CFAP52: variants seen among roughly 807,000 people sequenced by gnomAD.
The protein encoded by CFAP52 is cilia- and flagella-associated protein 52.
A neutral mutation model predicts 70.5 loss-of-function variants in CFAP52; 57 were observed. The ratio of observed to expected loss-of-function variants is 0.81; its 90% confidence interval spans 0.65 to 1.01. CFAP52 has a LOEUF of 1.01. Ranked by LOEUF, CFAP52 falls within the 50% of genes least tolerant of loss-of-function variation. The probability of loss-of-function intolerance (pLI) is 0.00; values close to 1 mark genes in which losing one functional copy is unlikely to be tolerated. For synonymous variants in CFAP52, 267 were observed against 292.5 expected, an observed-to-expected ratio of 0.91 and a Z score of 0.89; for missense variants, 785 against 788.5, an observed-to-expected ratio of 1.00 and a Z score of 0.05.
chr17:9,613,482 G>GT (rs1222678941), intron 8 of CFAP52, among the ~76,000 whole-genome samples: 3 of 151,082 alleles, frequency 2.0e-5, no homozygotes, highest in Non-Finnish European at 4.4e-5. Context: ...GTTTTGTTTT[G>GT]TTTTTTGTTT....
intron 5 of CFAP52, 72 bp from the exon 6 acceptor site, chr17:9,599,995 C>T (rs1909192160): frequency 7.7e-7 from 1 of 1,301,794 alleles, no homozygotes; most frequent in Non-Finnish European, 1.1e-6. Context: ...CCCGCCTCGG[C>T]CTCCCAAAGT....
chr17:9,626,054 G>C (rs1910222680), intron 8 of CFAP52, among the ~76,000 whole-genome samples: 1 of 152,136 alleles, frequency 6.6e-6, no homozygotes, highest in Non-Finnish European at 1.5e-5. Context: ...TTTTAGGTGG[G>C]AGAGAGGGAG....
At chr17:9,640,691 T>C (rs1388864345) in intron 12 of CFAP52, among the ~76,000 whole-genome samples, 2 of 152,154 alleles carry the variant, frequency 1.3e-5, no homozygotes, top group Non-Finnish European at 2.9e-5. Context: ...TGGAGTGCAG[T>C]GGCATAATCT....
At chr17:9,615,985 G>T (rs937775394) in intron 8 of CFAP52, among the ~76,000 whole-genome samples, 1 of 151,250 alleles carries the variant, frequency 6.6e-6, no homozygotes, top group Non-Finnish European at 1.5e-5. Flanking sequence ...ATAGTTTTTC[G>T]GGGGGAGGAG....
intron 1 of CFAP52, 87 bp from the exon 2 acceptor site, chr17:9,585,686 C>A: frequency 7.5e-7 from 1 of 1,337,982 alleles, no homozygotes; most frequent in South Asian, 1.3e-5. Flanking sequence ...CACACACACA[C>A]ACAAAGTGTT....
intron 8 of CFAP52, among the ~76,000 whole-genome samples, chr17:9,623,401 G>C (rs1910119372): frequency 6.6e-6 from 1 of 151,694 alleles, no homozygotes; most frequent in Admixed American, 6.6e-5. Context: ...CTTTTATTTG[G>C]AATGTTTAAT....
chr17:9,628,863 G>T, intron 9 of CFAP52, 43 bp downstream of exon 9: 2 of 1,611,466 alleles, frequency 1.2e-6, no homozygotes, highest in Non-Finnish European at 1.7e-6. Context: ...CTCTAGCTGC[G>T]GTTTTGATTC....
At chr17:9,610,029 C>T (rs1003322269) in intron 7 of CFAP52, among the ~76,000 whole-genome samples, 2 of 151,168 alleles carry the variant, frequency 1.3e-5, no homozygotes, top group African/African-American at 2.4e-5. Context: ...CAGAGAGAGA[C>T]AGAGAGAGAG....
chr17:9,643,206 G>A lies in CFAP52; in HGVS notation c.*8G>A, dbSNP rs1911166702. On this transcript the variant is annotated 3_prime_UTR_variant, in exon 14 of 14. Coordinates refer to ENST00000352665, the MANE Select transcript of CFAP52 (RefSeq NM_145054.5). ...TACCCATATACCTCCTGAAGCTGAT[G>A]AGATGTCTCTGAGCCTTGGCGTTGC... 3.1e-6 allele frequency: 5 copies of A among 1,597,230 alleles called. No homozygotes were observed. The highest frequency in any genetic ancestry group is 3.4e-6 in the Non-Finnish European group (4 of 1,170,648).
chr17:9,632,792 C>T lies in CFAP52; in HGVS notation c.1175-96C>T, dbSNP rs75224587. 0.032 allele frequency: 48,643 copies of T among 1,514,578 alleles called. 6,283 individuals are homozygous for T. The East Asian group carries it at 0.38, about 12-fold the overall frequency. 93.8% of individuals were successfully genotyped at this position (1,514,578 alleles called of 1,614,324 possible). A position where few individuals can be genotyped will look rare whatever the true frequency, so the allele number is the denominator to read the frequency against. ...GTCTCTTTCCTCCAGCACAGCACCA[C>T]TCACCAGGCCTGCCTCTCCTTAGTG... On this transcript the variant is annotated intron_variant, in intron 9 of 13. Transcript: ENST00000352665.
intron 6 of CFAP52, among the ~76,000 whole-genome samples, chr17:9,607,090 A>T (rs1167128497): frequency 6.6e-6 from 1 of 152,216 alleles, no homozygotes; most frequent in Non-Finnish European, 1.5e-5. Flanking sequence ...TCACACCTGT[A>T]ATCCCATCAC....
Position 9,598,247 on chromosome 17 carries a change from G to A in CFAP52, c.550G>A (p.Val184Ile). 6.2e-7 allele frequency: 1 copy of A among 1,610,760 alleles called. No individual in the cohort carries two copies. The highest frequency in any genetic ancestry group is 8.5e-7 in the Non-Finnish European group (1 of 1,178,854). ...TTTTTTACATAGTGGGACAATTCGAGTATGGGAATTGGATCTTCCAAATAG... is the reference window on the plus strand; with the variant it reads ...TTTTTTACATAGTGGGACAATTCGAATATGGGAATTGGATCTTCCAAATAG... ...FMTAGNGTIR[V>I]WELDLPNRKI... is the part of the protein sequence containing the mutation. The change falls in exon 5 of 14, where the codon GTA (valine) becomes ATA (isoleucine). Residue 184 changes from valine to isoleucine, a missense_variant. Coordinates refer to ENST00000352665, the MANE Select transcript of CFAP52 (RefSeq NM_145054.5).
chr17:9,596,055 GTGTGTATATATATATATATATA>G (rs1245091695), intron 4 of CFAP52, among the ~76,000 whole-genome samples: 1 of 90,460 alleles, frequency 1.1e-5, no homozygotes, highest in Non-Finnish European at 2.0e-5. Context: ...ATATATATGT[GTGTGTATATATATATATATATA>G]TATATATATA....
At chr17:9,613,880 G>A (rs1357150965) in intron 8 of CFAP52, among the ~76,000 whole-genome samples, 2 of 128,778 alleles carry the variant, frequency 1.6e-5, no homozygotes, top group Non-Finnish European at 1.7e-5. Context: ...CTGTGATTAG[G>A]TCTTTCCACG....
At chr17:9,602,781 T>C (rs1376443941) in intron 6 of CFAP52, among the ~76,000 whole-genome samples, 1 of 152,160 alleles carries the variant, frequency 6.6e-6, no homozygotes, top group Non-Finnish European at 1.5e-5. Context: ...GCATCTGTTG[T>C]TTCCTGACTT....
intron 9 of CFAP52, among the ~76,000 whole-genome samples, chr17:9,629,794 T>C (rs1910393032): frequency 6.6e-6 from 1 of 152,064 alleles, no homozygotes; most frequent in Admixed American, 6.6e-5. Flanking sequence ...TTCACCATGT[T>C]GGCCAAGCTG....
intron 1 of CFAP52, among the ~76,000 whole-genome samples, chr17:9,583,236 T>G (rs1302678924): frequency 6.6e-6 from 1 of 152,098 alleles, no homozygotes; most frequent in Non-Finnish European, 1.5e-5. Context: ...ACCTTGGTAT[T>G]ATAAGAACAT....
chr17:9,639,367 G>A (rs1328867531), intron 12 of CFAP52, among the ~76,000 whole-genome samples: 1 of 151,860 alleles, frequency 6.6e-6, no homozygotes, highest in Non-Finnish European at 1.5e-5. Context: ...GGAAGTGGAG[G>A]TTGCGGCGAG....
Position 9,594,280 on chromosome 17 carries a change from C to T in CFAP52, c.495C>T (p.Ile165=). 1 of 1,614,006 alleles carries T rather than the reference C, an allele frequency of 6.2e-7. No homozygotes were observed. The highest frequency in any genetic ancestry group is 1.1e-5 in the South Asian group (1 of 91,070). The stretch of plus-strand genomic sequence containing the variant: ...ATGTTGGCAATGCCACCAATGTGAT[C>T]TTCTCCAGGTGCCGGGATGAGATGT... The part of the protein sequence containing the change: ...GLNVGNATNV[I]FSRCRDEMFM... Residue 165 remains isoleucine (I), a synonymous_variant, in exon 4 of 14, where the codon ATC becomes ATT. Coordinates refer to ENST00000352665, the MANE Select transcript of CFAP52 (RefSeq NM_145054.5).
Sources: gnomAD v4.1 joint callset for allele counts (sites outside exome capture counted in the v4.1 genomes callset) on GRCh38, gnomAD v4.1.1 for gene constraint, MANE v1.5 for transcripts, NCBI Gene and HGNC (gene_info 2026-07-23, HGNC 2026-07-21) for gene names.